The following NEGR1 variants were observed in gnomAD, a reference collection of about 807,000 sequenced individuals.
NEGR1 encodes neuronal growth regulator 1.
NEGR1 carries 10 observed loss-of-function variants against 40.9 expected under a neutral mutation model. That is an observed-to-expected ratio of 0.24 (90% CI 0.15 to 0.42). The LOEUF is 0.42. NEGR1 is among the 10% of genes least tolerant of loss of function. The probability of loss-of-function intolerance (pLI) is 1.00; values close to 1 mark genes in which losing one functional copy is unlikely to be tolerated. For synonymous variants in NEGR1, 185 were observed against 166.8 expected (o/e 1.11, Z -0.84); for missense variants, 352 against 438.9 (o/e 0.80, Z 1.77).
chr1:71,907,093 A>G (rs1476178781), intron 2 of NEGR1, among the ~76,000 whole-genome samples: 1 of 152,154 alleles, frequency 6.6e-6, no homozygotes, highest in Non-Finnish European at 1.5e-5. Context: ...TTTCATTTGT[A>G]AAAAACATAA....
chr1:72,121,483 T>C (rs1183895671), intron 1 of NEGR1, among the ~76,000 whole-genome samples: 1 of 151,940 alleles, frequency 6.6e-6, no homozygotes, highest in Admixed American at 6.6e-5. Context: ...CTAATGTCAT[T>C]AGTCAACATC....
chr1:71,463,189 A>T (rs1646725124), intron 6 of NEGR1: 1 of 152,168 alleles, frequency 6.6e-6, no homozygotes, highest in Non-Finnish European at 1.5e-5. Flanking sequence ...TATACATTTT[A>T]TGTAAAAGGG....
At chr1:71,448,739 A>T (rs1345344711) in intron 6 of NEGR1, among the ~76,000 whole-genome samples, 1 of 152,176 alleles carries the variant, frequency 6.6e-6, no homozygotes. Context: ...TCTGACAAAA[A>T]CACAAAGAAG....
intron 1 of NEGR1, among the ~76,000 whole-genome samples, chr1:72,089,075 G>A (rs903685349): frequency 2.0e-5 from 3 of 152,218 alleles, no homozygotes; most frequent in South Asian, 2.1e-4. Flanking sequence ...CTTCAAAACT[G>A]CAAATGTTGA....
At chr1:71,897,342 T>A (rs1661002001) in intron 2 of NEGR1, among the ~76,000 whole-genome samples, 2 of 152,156 alleles carry the variant, frequency 1.3e-5, no homozygotes. Context: ...TACATTGGAT[T>A]TAGAATCTAA....
chr1:71,610,648 C>T (rs1022559666), intron 5 of NEGR1, among the ~76,000 whole-genome samples: 4 of 152,092 alleles, frequency 2.6e-5, no homozygotes, highest in African/African-American at 9.7e-5. Flanking sequence ...TCAAGGAAGC[C>T]AGGCAAAGAC....
chr1:72,219,461 C>T (rs1252215978), intron 1 of NEGR1, among the ~76,000 whole-genome samples: 1 of 151,876 alleles, frequency 6.6e-6, no homozygotes, highest in Non-Finnish European at 1.5e-5. Flanking sequence ...GCAAGCTTGG[C>T]ATTTTAGAAC....
intron 1 of NEGR1, among the ~76,000 whole-genome samples, chr1:71,965,379 A>C (rs927199719): frequency 6.6e-6 from 1 of 152,206 alleles, no homozygotes; most frequent in East Asian, 1.9e-4. Context: ...TGAATGTATT[A>C]TAAACACTAC....
chr1:71,465,138 A>C (rs1646737072), intron 6 of NEGR1, among the ~76,000 whole-genome samples: 1 of 152,132 alleles, frequency 6.6e-6, no homozygotes, highest in South Asian at 2.1e-4. Context: ...CTGCAGTGTT[A>C]ATAGAATTAT....
intron 2 of NEGR1, among the ~76,000 whole-genome samples, chr1:71,902,022 A>T (rs1215441422): frequency 6.6e-6 from 1 of 152,202 alleles, no homozygotes; most frequent in Non-Finnish European, 1.5e-5. Flanking sequence ...AAAGTGAAAA[A>T]TAAAGCATAA....
chr1:71,903,835 T>C (rs972339480), intron 2 of NEGR1, among the ~76,000 whole-genome samples: 12 of 151,624 alleles, frequency 7.9e-5, no homozygotes, highest in African/African-American at 2.7e-4. Flanking sequence ...TATATATATA[T>C]ATAAAAAATG....
chr1:71,494,974 G>A (rs187424515), intron 6 of NEGR1, among the ~76,000 whole-genome samples: 4 of 152,008 alleles, frequency 2.6e-5, no homozygotes, highest in Non-Finnish European at 5.9e-5. Context: ...CAGACCTTTA[G>A]GATGGTTCAC....
intron 3 of NEGR1, among the ~76,000 whole-genome samples, chr1:71,735,485 A>G (rs541660666): frequency 5.5e-4 from 84 of 152,134 alleles, no homozygotes; most frequent in Admixed American, 1.2e-3. Flanking sequence ...AAAGGGGGAC[A>G]TTGCCTCTTA....
chr1:71,625,451 C>T (rs1417316826), intron 4 of NEGR1, among the ~76,000 whole-genome samples: 5 of 151,860 alleles, frequency 3.3e-5, no homozygotes, highest in African/African-American at 4.8e-5. Flanking sequence ...ATTTATATAA[C>T]ATTTATATAG....
chr1:72,232,615 A>G (rs1401128350), intron 1 of NEGR1, among the ~76,000 whole-genome samples: 1 of 152,058 alleles, frequency 6.6e-6, no homozygotes, highest in Non-Finnish European at 1.5e-5. Flanking sequence ...TTTTTCTTTT[A>G]GTGTAATAGC....
intron 4 of NEGR1, among the ~76,000 whole-genome samples, chr1:71,671,893 C>CTTTTTTTTTTTTTT (rs10708807): frequency 8.2e-6 from 1 of 121,582 alleles, no homozygotes; most frequent in Non-Finnish European, 1.7e-5. Context: ...CTCTCTCTCT[C>CTTTTTTTTTTTTTT]TTTTTTTTTT....
intron 1 of NEGR1, among the ~76,000 whole-genome samples, chr1:71,945,271 A>T (rs759127755): frequency 3.7e-4 from 57 of 152,244 alleles, no homozygotes; most frequent in Non-Finnish European, 7.6e-4. Flanking sequence ...GGATTAAATT[A>T]ATTAGTTTGT....
intron 6 of NEGR1, among the ~76,000 whole-genome samples, chr1:71,541,136 TCAGA>T (rs1193956061): frequency 6.6e-6 from 1 of 151,558 alleles, no homozygotes; most frequent in Non-Finnish European, 1.5e-5. Context: ...TATATCAGAA[TCAGA>T]CAGACCTGGT....
chr1:71,635,734 T>C (rs1577396), intron 4 of NEGR1, among the ~76,000 whole-genome samples: 57,681 of 151,780 alleles, frequency 0.38, 11,594 homozygotes, highest in East Asian at 0.65. Context: ...TGAAGAGATA[T>C]GTAGAATGAT....
Sources: allele counts gnomAD v4.1 joint callset (sites outside exome capture counted in the v4.1 genomes callset), GRCh38; gene constraint gnomAD v4.1.1; transcripts MANE v1.5; gene names NCBI Gene and HGNC (gene_info 2026-07-23, HGNC 2026-07-21).